PEBP4: variants seen among roughly 807,000 people sequenced by gnomAD.
PEBP4 encodes phosphatidylethanolamine-binding protein 4.
In PEBP4, 22 loss-of-function variants were observed where a neutral mutation model predicts 23.9. That is an observed-to-expected ratio of 0.92 (90% CI 0.66 to 1.31). The LOEUF (loss-of-function observed/expected upper bound fraction) is 1.31, where lower values mean the gene tolerates loss of function less well. Among genes scored for constraint, PEBP4 ranks in the 40% most tolerant of loss-of-function variants. The pLI is 0.00. For missense variants in PEBP4, 324 were observed against 281.7 expected, an observed-to-expected ratio of 1.15 and a Z score of -1.07; for synonymous variants, 112 against 99.3, an observed-to-expected ratio of 1.13 and a Z score of -0.76.
chr8:22,792,227 G>T (rs1029412021), intron 4 of PEBP4, among the ~76,000 whole-genome samples: 2 of 152,104 alleles, frequency 1.3e-5, no homozygotes, highest in African/African-American at 4.8e-5. Context: ...GAGGGAGCTG[G>T]CTAGGTCAAT....
intron 3 of PEBP4, among the ~76,000 whole-genome samples, chr8:22,825,655 G>C (rs1240483549): frequency 6.6e-6 from 1 of 152,118 alleles, no homozygotes; most frequent in Non-Finnish European, 1.5e-5. Flanking sequence ...ACATCCACAT[G>C]GTGGATTCAG....
At chr8:22,826,335 ATTG>A (rs1388884524) in intron 3 of PEBP4, among the ~76,000 whole-genome samples, 1 of 152,212 alleles carries the variant, frequency 6.6e-6, no homozygotes, top group Non-Finnish European at 1.5e-5. Context: ...GGCTGCATGC[ATTG>A]TTGTAGGAAT....
At chr8:22,934,117 G>C (rs770525491) in intron 1 of PEBP4, among the ~76,000 whole-genome samples, 1 of 152,098 alleles carries the variant, frequency 6.6e-6, no homozygotes, top group Non-Finnish European at 1.5e-5. Flanking sequence ...TTCATGAAAG[G>C]TCTGCCCCCA....
intron 4 of PEBP4, among the ~76,000 whole-genome samples, chr8:22,758,868 G>T (rs1284172245): frequency 6.6e-6 from 1 of 152,214 alleles, no homozygotes; most frequent in Non-Finnish European, 1.5e-5. Context: ...TGCCTTGGAA[G>T]GGAGAGGCCC....
intron 3 of PEBP4, among the ~76,000 whole-genome samples, chr8:22,831,369 T>C (rs1807081105): frequency 6.6e-6 from 1 of 152,182 alleles, no homozygotes; most frequent in African/African-American, 2.4e-5. Flanking sequence ...GGATGGCATC[T>C]ATTTCTGCTT....
At chr8:22,874,845 G>T (rs1273018770) in intron 3 of PEBP4, among the ~76,000 whole-genome samples, 1 of 152,224 alleles carries the variant, frequency 6.6e-6, no homozygotes, top group Admixed American at 6.5e-5. Flanking sequence ...CTTAGATTCC[G>T]GGAGCAACAT....
intron 4 of PEBP4, among the ~76,000 whole-genome samples, chr8:22,740,228 A>G (rs1172317983): frequency 6.6e-6 from 1 of 152,234 alleles, no homozygotes; most frequent in Non-Finnish European, 1.5e-5. Context: ...TAGCAAGAAA[A>G]GATGCTGGCG....
At chr8:22,715,689 T>G (rs1227439753) in intron 6 of PEBP4, among the ~76,000 whole-genome samples, 1 of 152,154 alleles carries the variant, frequency 6.6e-6, no homozygotes, top group Non-Finnish European at 1.5e-5. Flanking sequence ...CAGTCCCAAG[T>G]CGACAGCCCT....
rs569934803 is a variant in PEBP4 at position 22,888,484 on chromosome 8, T to C, written c.258+31700A>G. Reference sequence around the variant, plus strand: ...GGACCGGCCACGGGAGAACCCTCAGTCTTGGCCCCTGCTATGAGGGTGGGG... The same window carrying C: ...GGACCGGCCACGGGAGAACCCTCAGCCTTGGCCCCTGCTATGAGGGTGGGG... On this transcript the variant is annotated intron_variant, in intron 3 of 6. Transcript: ENST00000256404. 1.5e-4 allele frequency among the ~76,000 whole-genome samples: 23 copies of C among 152,214 alleles called. 1 individual carries two copies. The East Asian group carries it at 4.2e-3, about 28-fold the overall frequency.
chr8:22,912,720 C>T (rs945119141), intron 3 of PEBP4, among the ~76,000 whole-genome samples: 7 of 152,200 alleles, frequency 4.6e-5, no homozygotes, highest in Non-Finnish European at 1.0e-4. Flanking sequence ...GAAATGCTGA[C>T]AATCCTCACT....
chr8:22,719,741 G>T (rs976781670), intron 6 of PEBP4, among the ~76,000 whole-genome samples: 8 of 152,146 alleles, frequency 5.3e-5, no homozygotes, highest in African/African-American at 1.7e-4. Flanking sequence ...CCTGGGGTAG[G>T]GGTGATGGCC....
chr8:22,749,540 C>T (rs543758932), intron 4 of PEBP4, among the ~76,000 whole-genome samples: 1 of 152,224 alleles, frequency 6.6e-6, no homozygotes, highest in Non-Finnish European at 1.5e-5. Flanking sequence ...TGGATCAGCT[C>T]TCTGAGATGG....
At chr8:22,749,802 A>ATTTTTTTTTTTTTTTTTTTTTTTTTTTT (rs754912133) in intron 4 of PEBP4, among the ~76,000 whole-genome samples, 2 of 41,586 alleles carry the variant, frequency 4.8e-5, no homozygotes, top group Non-Finnish European at 1.3e-4. Flanking sequence ...TCAGTTTGTC[A>ATTTTTTTTTTTTTTTTTTTTTTTTTTTT]TTCTTTTTTT....
chr8:22,924,007 C>T (rs1354821647), intron 2 of PEBP4, among the ~76,000 whole-genome samples: 1 of 152,208 alleles, frequency 6.6e-6, no homozygotes, highest in African/African-American at 2.4e-5. Flanking sequence ...GACAAAAAGA[C>T]ACATGGGATA....
At chr8:22,821,174 G>T (rs1244463858) in intron 3 of PEBP4, among the ~76,000 whole-genome samples, 2 of 152,162 alleles carry the variant, frequency 1.3e-5, no homozygotes, top group East Asian at 1.9e-4. Context: ...ATGACAGAGT[G>T]AGACCCTGTC....
chr8:22,713,306 T>A lies in PEBP4; in HGVS notation c.*64A>T. ...GAAGGGGTTCTGTATCCAGAGGGGG[T>A]TCCATACCCACATCGTCGGTGGTGG... On this transcript the variant is annotated 3_prime_UTR_variant, in exon 7 of 7. Transcript: ENST00000256404. The A allele has an allele frequency of 6.6e-7, 1 of 1,509,832 alleles. No homozygotes were observed. The highest frequency in any genetic ancestry group is 8.8e-7 in the Non-Finnish European group (1 of 1,131,508). 93.5% of individuals were successfully genotyped at this position (1,509,832 alleles called of 1,614,324 possible).
chr8:22,895,199 G>T (rs922879350), intron 3 of PEBP4, among the ~76,000 whole-genome samples: 1 of 152,152 alleles, frequency 6.6e-6, no homozygotes, highest in African/African-American at 2.4e-5. Flanking sequence ...GATCATCTGG[G>T]TATGGTTCTG....
At chr8:22,924,708 C>A in intron 2 of PEBP4, 12 of 985,336 alleles carry the variant, frequency 1.2e-5, no homozygotes, top group Non-Finnish European at 1.4e-5. Flanking sequence ...TGGATGGCAG[C>A]AGCAGGTGGG....
chr8:22,906,718 T>C (rs1277067827), intron 3 of PEBP4, among the ~76,000 whole-genome samples: 2 of 152,244 alleles, frequency 1.3e-5, no homozygotes, highest in Non-Finnish European at 2.9e-5. Flanking sequence ...GTCATCTTCA[T>C]CTAATAACAT....
Sources: gnomAD v4.1 joint callset for allele counts (sites outside exome capture counted in the v4.1 genomes callset) on GRCh38, gnomAD v4.1.1 for gene constraint, MANE v1.5 for transcripts, NCBI Gene and HGNC (gene_info 2026-07-23, HGNC 2026-07-21) for gene names.